Variants in CUX1 observed in about 807,000 individuals in gnomAD.
CUX1 encodes the protein protein CASP.
Under a neutral mutation model 158.8 loss-of-function variants are expected in CUX1, and 31 were observed. The ratio of observed to expected loss-of-function variants is 0.20; its 90% CI spans 0.15 to 0.26. The LOEUF (loss-of-function observed/expected upper bound fraction) is 0.26. Among genes scored for constraint, CUX1 ranks in the 10% least tolerant of loss-of-function variants. The probability of loss-of-function intolerance (pLI) is 1.00; values close to 1 mark genes in which losing one functional copy is unlikely to be tolerated. For missense variants in CUX1, 1,589 were observed against 2,014.6 expected (o/e 0.79, Z 4.04); for synonymous variants, 879 against 862.1 (o/e 1.02, Z -0.34).
Position 101,888,870 on chromosome 7 carries a change from G to A in CUX1, c.31-27245G>A, listed in dbSNP as rs574539665. 3.9e-4 allele frequency among the ~76,000 whole-genome samples: 60 copies of A among 152,200 alleles called. No individual in the cohort carries two copies. In the South Asian group the frequency reaches 0.012, roughly 31 times the overall value. ...CTCCCAAAGTGCCGGAATTATAGGGGTGAGCCACCACACCTTGCCAAGAGA... is the reference window on the plus strand; with the variant it reads ...CTCCCAAAGTGCCGGAATTATAGGGATGAGCCACCACACCTTGCCAAGAGA... On this transcript the variant is annotated intron_variant, in intron 1 of 23. Transcript: ENST00000292535.
intron 20 of CUX1, among the ~76,000 whole-genome samples, chr7:102,218,753 C>T (rs1455459901): frequency 2.6e-5 from 4 of 151,784 alleles, no homozygotes; most frequent in Non-Finnish European, 5.9e-5. Context: ...TCGGGCAAAC[C>T]TAAAAACATA....
At chr7:102,109,562 T>A (rs1246763406) in intron 6 of CUX1, among the ~76,000 whole-genome samples, 3 of 152,034 alleles carry the variant, frequency 2.0e-5, no homozygotes, top group African/African-American at 4.8e-5. Context: ...GGCAGGCGGA[T>A]CACTTGAGGC....
chr7:101,931,754 G>A (rs1418944848), intron 2 of CUX1, among the ~76,000 whole-genome samples: 3 of 152,086 alleles, frequency 2.0e-5, no homozygotes, highest in Non-Finnish European at 2.9e-5. Context: ...TGTAGGGAGG[G>A]GTTCTCACTA....
chr7:101,890,380 G>A (rs1041269815), intron 1 of CUX1, among the ~76,000 whole-genome samples: 4 of 152,076 alleles, frequency 2.6e-5, no homozygotes, highest in South Asian at 4.2e-4. Flanking sequence ...ATGGGGACAT[G>A]AGAGACTCGG....
At chr7:101,953,265 T>C (rs1809332302) in intron 2 of CUX1, among the ~76,000 whole-genome samples, 2 of 152,182 alleles carry the variant, frequency 1.3e-5, no homozygotes, top group African/African-American at 4.8e-5. Flanking sequence ...CTCTTCATTC[T>C]CCCTCCCTTT....
chr7:102,149,221 C>A (rs1554502888), intron 8 of CUX1, among the ~76,000 whole-genome samples: 1 of 152,178 alleles, frequency 6.6e-6, no homozygotes, highest in Non-Finnish European at 1.5e-5. Flanking sequence ...GTGTCCCCTG[C>A]TCAGTAAATC....
At chr7:101,948,036 C>G (rs970502594) in intron 2 of CUX1, among the ~76,000 whole-genome samples, 1 of 152,180 alleles carries the variant, frequency 6.6e-6, no homozygotes, top group African/African-American at 2.4e-5. Flanking sequence ...TGCGTCACTG[C>G]CGAGTTCCCT....
chr7:102,150,928 T>G (rs375440529), intron 8 of CUX1, among the ~76,000 whole-genome samples: 3 of 152,238 alleles, frequency 2.0e-5, no homozygotes, highest in African/African-American at 7.2e-5. Flanking sequence ...GATCTAAATT[T>G]TTATAATAAA....
intron 2 of CUX1, among the ~76,000 whole-genome samples, chr7:101,931,450 C>T (rs989881040): frequency 1.3e-5 from 2 of 152,204 alleles, no homozygotes; most frequent in African/African-American, 4.8e-5. Context: ...ATTTAACTAA[C>T]TTAACACTCA....
At chr7:101,876,393 C>T (rs990907460) in intron 1 of CUX1, among the ~76,000 whole-genome samples, 7 of 150,058 alleles carry the variant, frequency 4.7e-5, no homozygotes, top group Non-Finnish European at 1.0e-4. Flanking sequence ...TAGAGTTTAC[C>T]GTGCTATTGA....
chr7:101,818,289 T>C (rs1460800002), intron 1 of CUX1, among the ~76,000 whole-genome samples: 2 of 152,232 alleles, frequency 1.3e-5, no homozygotes, highest in African/African-American at 4.8e-5. Flanking sequence ...CCTTTTACCA[T>C]AATTTAATTC....
intron 20 of CUX1, among the ~76,000 whole-genome samples, chr7:102,219,402 A>G (rs1371144581): frequency 3.3e-5 from 5 of 151,928 alleles, no homozygotes; most frequent in African/African-American, 1.2e-4. Flanking sequence ...CCCCTACAGA[A>G]TCTTTCTCAG....
intron 2 of CUX1, among the ~76,000 whole-genome samples, chr7:101,977,737 C>G (rs938860712): frequency 4.6e-5 from 7 of 152,036 alleles, no homozygotes; most frequent in Admixed American, 1.3e-4. Context: ...CACCACTGCA[C>G]TCTAGCCTGG....
chr7:101,857,855 G>A (rs1374636830), intron 1 of CUX1, among the ~76,000 whole-genome samples: 1 of 152,210 alleles, frequency 6.6e-6, no homozygotes, highest in Admixed American at 6.5e-5. Context: ...GGGGGTGGTG[G>A]CTCACGCCTG....
Position 102,250,056 on chromosome 7 carries a change from A to G in CUX1, c.*1014A>G. On this transcript the variant is annotated 3_prime_UTR_variant, in exon 24 of 24. Coordinates refer to ENST00000292535, the MANE Select transcript of CUX1 (RefSeq NM_181552.4). ...GCCAAATCAGGACAAAAAAAAGAAA[A>G]AAAAAGAAAAAAAAAAAAGAAAAGA... The G allele has an allele frequency of 2.0e-6, 2 of 979,280 alleles. No individual in the cohort carries two copies. Among genetic ancestry groups the G allele is most frequent in the Non-Finnish European group, 2.4e-6 (2 of 826,054 alleles). 60.7% of individuals were successfully genotyped at this position (979,280 alleles called of 1,614,324 possible).
intron 6 of CUX1, among the ~76,000 whole-genome samples, chr7:102,106,378 G>A (rs942267317): frequency 3.9e-5 from 6 of 152,106 alleles, no homozygotes; most frequent in South Asian, 2.1e-4. Flanking sequence ...GTGAGCCACC[G>A]CACCCGGCTC....
In CUX1 at chr7:102,269,947, G is replaced by A. The variant is rs531746516; in HGVS notation, c.1256-3419G>A. ...CCCTTAGCTGTTCACAAGCACCTTC[G>A]TGCTTACCAGAACCGAGCCAGCCAG... On this transcript the variant is annotated intron_variant, in intron 14 of 22. Transcript: ENST00000292538. Among the ~76,000 whole-genome samples, 10 of 152,170 alleles carry A rather than the reference G, an allele frequency of 6.6e-5. No individual in the cohort carries two copies. The South Asian group carries it at 1.7e-3, about 25-fold the overall frequency.
chr7:102,239,117 C>T (rs1799897365), intron 22 of CUX1, among the ~76,000 whole-genome samples: 1 of 152,194 alleles, frequency 6.6e-6, no homozygotes, highest in Non-Finnish European at 1.5e-5. Context: ...GAACTCCTGA[C>T]ATCAAGTGAT....
intron 8 of CUX1, among the ~76,000 whole-genome samples, chr7:102,149,455 G>A (rs1554502995): frequency 6.7e-6 from 1 of 149,374 alleles, no homozygotes; most frequent in Non-Finnish European, 1.5e-5. Flanking sequence ...GATGTGCAGG[G>A]TGTATTCCTG....
Sources: allele counts gnomAD v4.1 joint callset (sites outside exome capture counted in the v4.1 genomes callset), GRCh38; gene constraint gnomAD v4.1.1; transcripts MANE v1.5; gene names NCBI Gene and HGNC (gene_info 2026-07-23, HGNC 2026-07-21).